Variants in RGL3 observed in about 807,000 individuals in gnomAD.
RGL3 encodes the protein ral guanine nucleotide dissociation stimulator-like 3.
Under a neutral mutation model 90.6 loss-of-function variants are expected in RGL3, and 85 were observed. That is an observed-to-expected ratio of 0.94 (90% CI 0.79 to 1.12). RGL3 has a LOEUF of 1.12. Among genes scored for constraint, RGL3 ranks in the 50% most tolerant of loss-of-function variants. The pLI is 0.00. For missense variants in RGL3, 1,034 were observed against 939.2 expected (o/e 1.10, Z -1.32); for synonymous variants, 408 against 385.5 (o/e 1.06, Z -0.68).
chr19:11,395,907 G>A (rs956328400), intron 18 of RGL3, among the ~76,000 whole-genome samples: 3 of 148,028 alleles, frequency 2.0e-5, no homozygotes, highest in South Asian at 2.1e-4. Context: ...GATTACAGGC[G>A]TGAGCCACCA....
rs5827125 is a variant in RGL3 at position 11,406,990 on chromosome 19, ATT to A, written c.638-128_638-127del. ...TTTGTAAAACGGAGAGCTCTCTTAA[ATT>A]TTTTTTTTTTTTTGAGACAGTCTTA... is the stretch of plus-strand genomic sequence containing the variant. On this transcript the variant is annotated intron_variant, in intron 5 of 18. Coordinates refer to ENST00000380456, the MANE Select transcript of RGL3 (RefSeq NM_001035223.4). 3.0e-3 allele frequency: 2,231 copies of A among 755,682 alleles called. 1 individual carries two copies. The highest frequency in any genetic ancestry group is 5.6e-3 in the East Asian group (182 of 32,370). The allele number at this position is 755,682 out of a possible 1,614,324, so 46.8% of individuals were successfully genotyped here. A position where few individuals can be genotyped will look rare whatever the true frequency, so the allele number is the denominator to read the frequency against.
Position 11,406,707 on chromosome 19 carries a change from G to C in RGL3, c.780+15C>G, listed in dbSNP as rs527618059. On this transcript the variant is annotated intron_variant, in intron 6 of 18. Coordinates refer to ENST00000380456, the MANE Select transcript of RGL3 (RefSeq NM_001035223.4). ...CCTCACTGTGGCTCATCCCGACCCT[G>C]TCCGGGATCCTCACCAAGTCTATGA... 5.6e-6 allele frequency: 9 copies of C among 1,613,258 alleles called. No homozygotes were observed. Among genetic ancestry groups the C allele is most frequent in the Non-Finnish European group, 5.9e-6 (7 of 1,179,834 alleles).
At chr19:11,418,608 C>T (rs562621566) in intron 2 of RGL3, 63 bp downstream of exon 2, 14 of 1,346,718 alleles carry the variant, frequency 1.0e-5, no homozygotes, top group South Asian at 5.2e-5. Flanking sequence ...GTGCTCGGCT[C>T]TCCAGCTCCG....
intron 5 of RGL3, among the ~76,000 whole-genome samples, chr19:11,412,351 A>G (rs141971502): frequency 3.3e-5 from 5 of 152,138 alleles, no homozygotes; most frequent in African/African-American, 1.2e-4. Context: ...ATGAATTGAC[A>G]TAAGCCCGGG....
chr19:11,416,583 C>A, intron 4 of RGL3, 31 bp downstream of exon 4: 1 of 1,607,872 alleles, frequency 6.2e-7, no homozygotes, highest in Non-Finnish European at 8.5e-7. Context: ...ATTTCCCTCC[C>A]CGCACTCCCC....
In RGL3 at chr19:11,399,880, G is replaced by A; in HGVS notation, c.1721C>T (p.Pro574Leu). ...DAPAGSPPAS[P>L]GPQGPSTKLP... ...CTTGGTGCTGGGGCCCTGGGGCCCT[G>A]GAGAGGCCGGGGGACTGCCAGCAGG... Residue 574 changes from proline to leucine, a missense_variant, in exon 16 of 19, where the codon CCA (proline) becomes CTA (leucine). Physicochemically the swap from Pro to Leu is moderately conservative, Grantham distance 98 (BLOSUM62 -3). Transcript: ENST00000380456. 6.6e-7 allele frequency: 1 copy of A among 1,509,586 alleles called. No individual in the cohort carries two copies. Among genetic ancestry groups the A allele is most frequent in the Non-Finnish European group, 8.8e-7 (1 of 1,132,432 alleles). The allele number at this position is 1,509,586 out of a possible 1,614,324, so 93.5% of individuals were successfully genotyped here.
intron 5 of RGL3, among the ~76,000 whole-genome samples, chr19:11,414,592 T>C (rs1260636153): frequency 6.9e-6 from 1 of 144,872 alleles, no homozygotes; most frequent in East Asian, 2.0e-4. Context: ...GCTGCTACTT[T>C]GTAAATTGGA....
rs771287608 is a variant in RGL3 at position 11,416,855 on chromosome 19, G to A, written c.352C>T (p.Pro118Ser). The part of the protein sequence containing the change: ...CLLGFLLPPM[P>S]PPPPPGVEIK... ...ACTGACCCGGGAGGTGGGGGCGGTG[G>A]CATTGGTGGCAGCAGAAAGCCCAGC... is the stretch of plus-strand genomic sequence containing the variant. The change falls in exon 3 of 19, where the codon CCA becomes TCA. Residue 118 changes from proline to serine, a missense_variant. Transcript: ENST00000380456. 64 of 1,613,710 alleles carry A rather than the reference G, an allele frequency of 4.0e-5. No homozygotes were observed. Among genetic ancestry groups the A allele is most frequent in the Non-Finnish European group, 4.7e-5 (56 of 1,179,874 alleles).
chr19:11,406,053 A>C, intron 7 of RGL3, among the ~76,000 whole-genome samples: 1 of 151,392 alleles, frequency 6.6e-6, no homozygotes, highest in South Asian at 2.1e-4. Flanking sequence ...GCCAGGTCGG[A>C]CCCCTGGGTG....
At chr19:11,404,527 A>C (rs1173222705) in intron 9 of RGL3, among the ~76,000 whole-genome samples, 1 of 152,130 alleles carries the variant, frequency 6.6e-6, no homozygotes, top group Non-Finnish European at 1.5e-5. Flanking sequence ...ACTCTGTCTC[A>C]ATACAAACAA....
chr19:11,416,395 C>T (rs974623025), intron 4 of RGL3: 40 of 624,530 alleles, frequency 6.4e-5, no homozygotes, highest in South Asian at 1.9e-4. Flanking sequence ...GACAGGGTTT[C>T]GCCATATTGG....
intron 16 of RGL3, among the ~76,000 whole-genome samples, chr19:11,399,070 T>G (rs1968626238): frequency 6.6e-6 from 1 of 152,106 alleles, no homozygotes; most frequent in Admixed American, 6.6e-5. Flanking sequence ...TCCTTCCACC[T>G]CAGCCTGCTG....
chr19:11,414,506 T>TATATATACACCTTC (rs1968955162), intron 5 of RGL3, among the ~76,000 whole-genome samples: 10 of 109,398 alleles, frequency 9.1e-5, no homozygotes, highest in African/African-American at 3.6e-4. Flanking sequence ...TATATATATA[T>TATATATACACCTTC]ATATATATAT....
intron 1 of RGL3, 161 bp from the exon 2 acceptor site, chr19:11,418,945 C>T (rs1969056299): frequency 6.2e-6 from 4 of 646,424 alleles, no homozygotes; most frequent in South Asian, 2.0e-5. Flanking sequence ...CTAGTCCCCT[C>T]CTCGCTGCGG....
rs1289550751 is a variant in RGL3 at position 11,413,555 on chromosome 19, AAGGGC to A, written c.637+2377_637+2381del. ...GTCTCAAAAAAAAAAAAAAAAAAAAAAGGGCAGGGTCAGGCACAGTAGCTCACACT... is the reference window on the plus strand; with the variant it reads ...GTCTCAAAAAAAAAAAAAAAAAAAAAAGGGTCAGGCACAGTAGCTCACACT... On this transcript the variant is annotated intron_variant, in intron 5 of 18. Coordinates refer to ENST00000380456, the MANE Select transcript of RGL3 (RefSeq NM_001035223.4). Among the ~76,000 whole-genome samples, 205 of 147,660 alleles carry A rather than the reference AAGGGC, an allele frequency of 1.4e-3. 1 individual carries two copies. The highest frequency in any genetic ancestry group is 4.7e-3 in the African/African-American group (190 of 40,084).
chr19:11,408,281 T>A (rs992949609), intron 5 of RGL3, among the ~76,000 whole-genome samples: 3 of 152,158 alleles, frequency 2.0e-5, no homozygotes, highest in Admixed American at 1.3e-4. Flanking sequence ...TTCGTTTTTG[T>A]TTTCGTTTAA....
chr19:11,400,139 G>T, intron 14 of RGL3, 31 bp from the exon 15 acceptor site: 1 of 1,590,698 alleles, frequency 6.3e-7, no homozygotes. Context: ...TGAGGCTAAG[G>T]CAGGAGCAGC....
intron 5 of RGL3, 125 bp from the exon 6 acceptor site, chr19:11,406,989 A>ATT: frequency 2.5e-5 from 25 of 1,015,112 alleles, no homozygotes; most frequent in Non-Finnish European, 3.2e-5. Flanking sequence ...AGCTCTCTTA[A>ATT]ATTTTTTTTT....
chr19:11,402,607 C>T (rs774860487), intron 10 of RGL3, 43 bp downstream of exon 10: 96 of 1,613,078 alleles, frequency 6.0e-5, no homozygotes, highest in Non-Finnish European at 7.6e-5. Context: ...ACAACCCTCC[C>T]TGAAGGTCCC....
Sources: gnomAD v4.1 joint callset for allele counts (sites outside exome capture counted in the v4.1 genomes callset) on GRCh38, gnomAD v4.1.1 for gene constraint, MANE v1.5 for transcripts, NCBI Gene and HGNC (gene_info 2026-07-23, HGNC 2026-07-21) for gene names.